Variants in SLIT3 observed in about 807,000 individuals in gnomAD.
SLIT3 encodes the protein slit homolog 3 protein.
In SLIT3, 68 loss-of-function variants were observed where a neutral mutation model predicts 184.0. The observed-to-expected ratio is 0.37, with a 90% CI of 0.30 to 0.45. The LOEUF (loss-of-function observed/expected upper bound fraction) is 0.45. Among genes scored for constraint, SLIT3 ranks in the 20% least tolerant of loss-of-function variants. The pLI, the probability that SLIT3 is intolerant of heterozygous loss-of-function variation, is 1.00. For missense variants in SLIT3, 1,707 were observed against 2,026.0 expected, an observed-to-expected ratio of 0.84 and a Z score of 3.02; for synonymous variants, 831 against 828.6, an observed-to-expected ratio of 1.00 and a Z score of -0.05.
intron 4 of SLIT3, chr5:169,018,794 G>A (rs1215855303): frequency 6.6e-6 from 1 of 152,206 alleles, no homozygotes; most frequent in East Asian, 1.9e-4. Flanking sequence ...GCTATTTCTA[G>A]GGAAATGCAG....
intron 28 of SLIT3, among the ~76,000 whole-genome samples, chr5:168,695,499 T>G (rs927791375): frequency 1.3e-5 from 2 of 152,222 alleles, no homozygotes; most frequent in African/African-American, 4.8e-5. Context: ...ACTTCTTGTC[T>G]CATGGGGATT....
chr5:168,725,484 C>G (rs1157794007), intron 20 of SLIT3, among the ~76,000 whole-genome samples: 1 of 152,184 alleles, frequency 6.6e-6, no homozygotes, highest in Non-Finnish European at 1.5e-5. Context: ...CTGCTTTGAT[C>G]TCCTTGGTGA....
At chr5:169,001,843 G>A (rs1755710592) in intron 4 of SLIT3, among the ~76,000 whole-genome samples, 1 of 152,118 alleles carries the variant, frequency 6.6e-6, no homozygotes, top group African/African-American at 2.4e-5. Context: ...AAGTGAAGTG[G>A]TAATTAACCA....
At chr5:169,035,716 G>A (rs1197391323) in intron 4 of SLIT3, among the ~76,000 whole-genome samples, 2 of 151,230 alleles carry the variant, frequency 1.3e-5, no homozygotes, top group East Asian at 1.9e-4. Flanking sequence ...TGAGTACCAC[G>A]ATAATCTATT....
intron 34 of SLIT3, 28 bp from the exon 35 acceptor site, chr5:168,670,019 G>A (rs1761188763): frequency 6.2e-7 from 1 of 1,603,126 alleles, no homozygotes; most frequent in Non-Finnish European, 8.5e-7. Context: ...GATGAGAAGG[G>A]AACTGGATCA....
chr5:168,804,799 C>G (rs1409409873), intron 9 of SLIT3, among the ~76,000 whole-genome samples: 1 of 152,142 alleles, frequency 6.6e-6, no homozygotes, highest in African/African-American at 2.4e-5. Context: ...TATGCTTCTT[C>G]CCGTTTCAAT....
chr5:168,790,000 G>A (rs188511252), intron 10 of SLIT3: 64 of 186,152 alleles, frequency 3.4e-4, no homozygotes, highest in African/African-American at 1.0e-3. Context: ...AACAGGAACC[G>A]GCTTCACCCA....
intron 4 of SLIT3, among the ~76,000 whole-genome samples, chr5:168,942,824 A>G (rs1762369346): frequency 1.3e-5 from 2 of 151,438 alleles, no homozygotes; most frequent in South Asian, 2.1e-4. Context: ...TTACTAGCCA[A>G]TTTCTGACTG....
chr5:168,786,012 T>C (rs2113576099), intron 11 of SLIT3, 34 bp from the exon 12 acceptor site: 2 of 1,473,314 alleles, frequency 1.4e-6, no homozygotes, highest in South Asian at 1.1e-5. Flanking sequence ...GCAATCACTG[T>C]GGATGTGAGG....
chr5:168,667,742 G>A (rs933733712), intron 35 of SLIT3: 1 of 152,224 alleles, frequency 6.6e-6, no homozygotes, highest in African/African-American at 2.4e-5. Context: ...GGCACCAGAG[G>A]CGATTGTGAA....
chr5:168,669,894 C>G lies in SLIT3; in HGVS notation c.4225G>C (p.Ala1409Pro). The part of the protein sequence containing the change: ...GDLCDNKNDS[A>P]NACSAFKCHH... ...CACTTGAAGGCTGAGCAGGCATTGG[C>G]AGAGTCATTCTTGTTGTCACACAAG... is the stretch of plus-strand genomic sequence containing the variant. The change falls in exon 35 of 36, where the codon GCC becomes CCC. Residue 1409 changes from alanine (A) to proline (P), a missense_variant. Physicochemically the swap from Ala to Pro is conservative, Grantham distance 27. Transcript: ENST00000519560. 6.2e-7 allele frequency: 1 copy of G among 1,614,198 alleles called. No homozygotes were observed. The highest frequency in any genetic ancestry group is 8.5e-7 in the Non-Finnish European group (1 of 1,180,026).
intron 4 of SLIT3, among the ~76,000 whole-genome samples, chr5:169,131,105 A>AT (rs1761280041): frequency 1.3e-5 from 2 of 152,184 alleles, no homozygotes; most frequent in African/African-American, 4.8e-5. Flanking sequence ...TAACATAGCT[A>AT]TAGACAGGTC....
intron 7 of SLIT3, 40 bp from the exon 8 acceptor site, chr5:168,817,503 TG>T: frequency 6.2e-7 from 1 of 1,600,612 alleles, no homozygotes; most frequent in Non-Finnish European, 8.5e-7. Context: ...TGGTCACAGG[TG>T]AAGTGTGGAG....
At chr5:168,673,423 C>T in intron 32 of SLIT3, 92 bp from the exon 33 acceptor site, 13 of 1,186,364 alleles carry the variant, frequency 1.1e-5, no homozygotes, top group South Asian at 9.7e-5. Context: ...GCATTGCTTA[C>T]ATTTTGTTTT....
intron 4 of SLIT3, among the ~76,000 whole-genome samples, chr5:168,892,870 G>A (rs1450527254): frequency 3.3e-5 from 5 of 152,280 alleles, no homozygotes; most frequent in Middle Eastern, 3.4e-3. Flanking sequence ...TCAATTTAGC[G>A]ACAAGGCAGT....
chr5:168,816,054 G>A (rs115657749), intron 8 of SLIT3, among the ~76,000 whole-genome samples: 1 of 151,862 alleles, frequency 6.6e-6, no homozygotes, highest in African/African-American at 2.4e-5. Flanking sequence ...TGTTTTTTTT[G>A]TTTGTTTGTT....
At chr5:169,253,798 G>C (rs1482419521) in intron 1 of SLIT3, among the ~76,000 whole-genome samples, 1 of 152,202 alleles carries the variant, frequency 6.6e-6, no homozygotes, top group African/African-American at 2.4e-5. Context: ...GACACTCCTT[G>C]TTGGTGTGCT....
intron 4 of SLIT3, among the ~76,000 whole-genome samples, chr5:169,115,469 C>T (rs540757783): frequency 3.3e-5 from 5 of 152,266 alleles, no homozygotes; most frequent in African/African-American, 7.2e-5. Flanking sequence ...TATGATAACC[C>T]TGGGCAGTAG....
At chr5:168,767,290 G>A (rs1439953601) in intron 14 of SLIT3, among the ~76,000 whole-genome samples, 1 of 152,282 alleles carries the variant, frequency 6.6e-6, no homozygotes, top group African/African-American at 2.4e-5. Flanking sequence ...CTAGGCTAAA[G>A]TTCCCACCTT....
Sources: gnomAD v4.1 joint callset for allele counts (sites outside exome capture counted in the v4.1 genomes callset) on GRCh38, gnomAD v4.1.1 for gene constraint, MANE v1.5 for transcripts, NCBI Gene and HGNC (gene_info 2026-07-23, HGNC 2026-07-21) for gene names.